The following DMD variants were observed in gnomAD, a reference collection of about 807,000 sequenced individuals.
DMD encodes dystrophin.
In DMD, 63 loss-of-function variants were observed where a neutral mutation model predicts 330.1. The ratio of observed to expected loss-of-function variants is 0.19; its 90% CI spans 0.16 to 0.24. The LOEUF (loss-of-function observed/expected upper bound fraction) is 0.24. Among genes scored for constraint, DMD ranks in the 10% least tolerant of loss-of-function variants. The pLI, the probability that DMD is intolerant of heterozygous loss-of-function variation, is 1.00. For missense variants in DMD, 3,344 were observed against 2,684.1 expected (o/e 1.25, Z -5.43); for synonymous variants, 1,223 against 959.8 (o/e 1.27, Z -5.07).
chrX:32,222,798 G>C (rs2097136141), intron 43 of DMD, among the ~76,000 whole-genome samples: 1 of 111,852 alleles, frequency 8.9e-6, no homozygotes, highest in South Asian at 3.7e-4. Flanking sequence ...TTAATTTCAG[G>C]ACTTAAAGTA....
intron 42 of DMD, among the ~76,000 whole-genome samples, chrX:32,308,477 C>G (rs1202237126): frequency 9.0e-6 from 1 of 110,802 alleles, no homozygotes; most frequent in African/African-American, 3.3e-5. Flanking sequence ...TCAAAACTAT[C>G]CCCCTTCAAA....
intron 16 of DMD, among the ~76,000 whole-genome samples, chrX:32,561,467 A>T (rs2050996193): frequency 8.9e-6 from 1 of 111,928 alleles, no homozygotes; most frequent in Non-Finnish European, 1.9e-5. Flanking sequence ...AAAAGAAAAG[A>T]ATAAAAATGA....
intron 1 of DMD, among the ~76,000 whole-genome samples, chrX:33,169,286 C>T (rs181823385): frequency 4.7e-4 from 53 of 111,757 alleles, no homozygotes; most frequent in Admixed American, 4.6e-3. Context: ...TGCCCTAGGG[C>T]TACGAATTTA....
intron 7 of DMD, among the ~76,000 whole-genome samples, chrX:32,712,905 A>T (rs559154858): frequency 6.3e-5 from 7 of 111,667 alleles, no homozygotes; most frequent in African/African-American, 2.3e-4. Context: ...GTTTATTCAC[A>T]TTCAATCATT....
chrX:32,469,205 TG>T (rs1367539886), intron 22 of DMD, among the ~76,000 whole-genome samples: 1 of 110,373 alleles, frequency 9.1e-6, no homozygotes, highest in East Asian at 2.8e-4. Flanking sequence ...AGTATTATGG[TG>T]GGATTCAAGG....
intron 9 of DMD, among the ~76,000 whole-genome samples, chrX:32,688,655 G>C (rs1435644741): frequency 9.0e-6 from 1 of 111,279 alleles, no homozygotes; most frequent in Non-Finnish European, 1.9e-5. Context: ...CTTTATTTTA[G>C]AGATGAGAAA....
At chrX:31,517,574 C>T (rs62588957) in intron 55 of DMD, among the ~76,000 whole-genome samples, 17,433 of 110,281 alleles carry the variant, frequency 0.16, 1,709 homozygotes, top group African/African-American at 0.35. Context: ...AAAATAGCAT[C>T]TGGTAATGAT....
intron 1 of DMD, among the ~76,000 whole-genome samples, chrX:33,290,818 C>G: frequency 9.0e-6 from 1 of 111,138 alleles, no homozygotes; most frequent in African/African-American, 3.3e-5. Flanking sequence ...AATACATCTA[C>G]CCCTCCTTCA....
chrX:31,456,807 T>C (rs1442875478), intron 59 of DMD, among the ~76,000 whole-genome samples: 1 of 106,574 alleles, frequency 9.4e-6, no homozygotes, highest in Admixed American at 1.0e-4. Context: ...ACACTTACTT[T>C]ATATCCACTA....
intron 21 of DMD, among the ~76,000 whole-genome samples, chrX:32,479,259 C>A (rs940364682): frequency 1.8e-5 from 2 of 110,832 alleles, no homozygotes; most frequent in African/African-American, 6.5e-5. Context: ...ATATTAATCA[C>A]CTCACCAACT....
At chrX:31,288,987 A>G (rs1379920383) in intron 62 of DMD, among the ~76,000 whole-genome samples, 1 of 110,747 alleles carries the variant, frequency 9.0e-6, no homozygotes, top group African/African-American at 3.3e-5. Flanking sequence ...ATATAAGAAC[A>G]TAAAATTTTA....
At chrX:32,201,889 A>G (rs1234030044) in intron 44 of DMD, among the ~76,000 whole-genome samples, 3 of 111,973 alleles carry the variant, frequency 2.7e-5, no homozygotes, top group Non-Finnish European at 5.6e-5. Flanking sequence ...AATCCCTGAA[A>G]ACTGCTGAAT....
chrX:32,556,985 G>C (rs985023215), intron 16 of DMD, among the ~76,000 whole-genome samples: 1 of 111,602 alleles, frequency 9.0e-6, no homozygotes, highest in Admixed American at 9.6e-5. Flanking sequence ...CTTTCTGCAT[G>C]ATCCAGGCAT....
intron 60 of DMD, among the ~76,000 whole-genome samples, chrX:31,351,571 C>A (rs1207966257): frequency 2.8e-5 from 3 of 108,222 alleles, no homozygotes; most frequent in African/African-American, 1.0e-4. Flanking sequence ...ACTAAAAATA[C>A]AAAAATTAGC....
At chrX:32,654,612 T>TC (rs2060421624) in intron 9 of DMD, among the ~76,000 whole-genome samples, 1 of 78,588 alleles carries the variant, frequency 1.3e-5, no homozygotes, top group African/African-American at 8.6e-5. Flanking sequence ...TAAAATTCTC[T>TC]TTTTTTTGTT....
chrX:32,565,614 T>A, intron 16 of DMD, 88 bp downstream of exon 16: 1 of 961,456 alleles, frequency 1.0e-6, no homozygotes, highest in Non-Finnish European at 1.5e-6. Context: ...TCTGGTTGCT[T>A]CTTTTGTAGG....
intron 2 of DMD, among the ~76,000 whole-genome samples, chrX:33,016,552 C>A (rs1259559861): frequency 9.0e-6 from 1 of 111,377 alleles, no homozygotes; most frequent in Non-Finnish European, 1.9e-5. Flanking sequence ...GGAACACTAT[C>A]ATATCATGGG....
intron 2 of DMD, among the ~76,000 whole-genome samples, chrX:33,015,441 T>G (rs1368038023): frequency 9.0e-6 from 1 of 110,870 alleles, no homozygotes; most frequent in African/African-American, 3.3e-5. Flanking sequence ...ATGTTCTCAC[T>G]TATAGGTGGG....
In DMD at chrX:32,341,842, CA is replaced by C. The variant is rs1378618280; in HGVS notation, c.5922+257del. Among the ~76,000 whole-genome samples the C allele has an allele frequency of 5.4e-5, 6 of 110,122 alleles. No individual in the cohort carries two copies. The East Asian group carries it at 1.1e-3, about 21-fold the overall frequency. On this transcript the variant is annotated intron_variant, in intron 41 of 78. Coordinates refer to ENST00000357033, the MANE Select transcript of DMD (RefSeq NM_004006.3). ...GCCAATGTTATGAAAAATGATGTAGCAAAAAAAATTAAGATGTATTTTCATT... is the reference window on the plus strand; with the variant it reads ...GCCAATGTTATGAAAAATGATGTAGCAAAAAAATTAAGATGTATTTTCATT...
Sources: allele counts gnomAD v4.1 joint callset (sites outside exome capture counted in the v4.1 genomes callset), GRCh38; gene constraint gnomAD v4.1.1; transcripts MANE v1.5; gene names NCBI Gene and HGNC (gene_info 2026-07-23, HGNC 2026-07-21).